The following VCAN variants were observed in gnomAD, a reference collection of about 807,000 sequenced individuals.
The protein encoded by VCAN is versican core protein.
Under a neutral mutation model 245.5 loss-of-function variants are expected in VCAN, and 44 were observed. That is an observed-to-expected ratio of 0.18 (90% confidence interval 0.14 to 0.23). The LOEUF (loss-of-function observed/expected upper bound fraction) is 0.23, where lower values mean the gene tolerates loss of function less well. VCAN is among the 10% of genes least tolerant of loss of function. VCAN has a pLI of 1.00. For synonymous variants in VCAN, 1,413 were observed against 1,437.0 expected, an observed-to-expected ratio of 0.98 and a Z score of 0.38; for missense variants, 3,793 against 4,057.9, an observed-to-expected ratio of 0.93 and a Z score of 1.77.
intron 5 of VCAN, among the ~76,000 whole-genome samples, chr5:83,502,219 C>G (rs968558911): frequency 6.6e-6 from 1 of 152,128 alleles, no homozygotes; most frequent in African/African-American, 2.4e-5. Flanking sequence ...CACTCTCTTT[C>G]ATTTTATAAT....
intron 7 of VCAN, among the ~76,000 whole-genome samples, chr5:83,529,865 G>A (rs541805956): frequency 2.0e-5 from 3 of 152,088 alleles, no homozygotes; most frequent in Non-Finnish European, 2.9e-5. Context: ...TTAATCTCCT[G>A]TGGGCTTTAA....
In VCAN at chr5:83,540,488, G is replaced by A; in HGVS notation, c.7485G>A (p.Gln2495=). 6.2e-7 allele frequency: 1 copy of A among 1,613,940 alleles called. No homozygotes were observed. The highest frequency in any genetic ancestry group is 8.5e-7 in the Non-Finnish European group (1 of 1,179,936). Residue 2495 remains glutamine (Q), a synonymous_variant, in exon 8 of 15, where the codon CAG becomes CAA. Transcript: ENST00000265077. ...VSVMLPLHSE[Q]NKSSPDPTST... is the part of the protein sequence containing the mutation. ...TGATGCTGCCTCTTCATTCAGAGCAGAACAAAAGCTCCCCTGATCCAACTA... is the reference window on the plus strand; with the variant it reads ...TGATGCTGCCTCTTCATTCAGAGCAAAACAAAAGCTCCCCTGATCCAACTA...
intron 12 of VCAN, among the ~76,000 whole-genome samples, chr5:83,558,991 C>T (rs16900584): frequency 0.03 from 4,616 of 152,158 alleles, 73 homozygotes; most frequent in Middle Eastern, 0.068. Context: ...ACTTGGCTTT[C>T]TCCTAACCTA....
Position 83,512,210 on chromosome 5 carries a change from G to T in VCAN, c.856G>T (p.Ala286Ser), listed in dbSNP as rs1337887952. 1.2e-6 allele frequency: 2 copies of T among 1,614,192 alleles called. No individual in the cohort carries two copies. The highest frequency in any genetic ancestry group is 1.7e-5 in the Admixed American group (1 of 60,026). Residue 286 changes from alanine to serine, a missense_variant, in exon 6 of 15, where the codon GCA becomes TCA. Ala to Ser is a moderately conservative substitution (Grantham distance 99). This residue lies in a region of VCAN where 190 missense variants were observed against 288.6 expected (regional missense o/e 0.66). Coordinates refer to ENST00000265077, the MANE Select transcript of VCAN (RefSeq NM_004385.5). ...GGCAACAGTGGGGGAACTCCAGGCGGCATGGAGGAACGGCTTTGACCAGTG... is the reference window on the plus strand; with the variant it reads ...GGCAACAGTGGGGGAACTCCAGGCGTCATGGAGGAACGGCTTTGACCAGTG... ...RLATVGELQA[A>S]WRNGFDQCDY...
At chr5:83,571,683 A>AT (rs966617529) in intron 12 of VCAN, among the ~76,000 whole-genome samples, 3 of 152,118 alleles carry the variant, frequency 2.0e-5, no homozygotes, top group African/African-American at 7.2e-5. Flanking sequence ...TTGAAGGTGT[A>AT]TTTTTTATAT....
chr5:83,521,208 G>T lies in VCAN; in HGVS notation c.2902G>T (p.Asp968Tyr), dbSNP rs922539566. ...SSTQEPTTYV[D>Y]SSHTIPLSVI... ...CACCCAAGAGCCTACTACTTATGTA[G>T]ACTCTTCCCATACCATTCCTCTTTC... The change falls in exon 7 of 15, where the codon GAC (aspartate) becomes TAC (tyrosine). Residue 968 changes from aspartate to tyrosine, a missense_variant. Physicochemically the swap from Asp to Tyr is radical, Grantham distance 160. Transcript: ENST00000265077. 1 of 1,613,686 alleles carries T rather than the reference G, an allele frequency of 6.2e-7. No homozygotes were observed. Among genetic ancestry groups the T allele is most frequent in the Non-Finnish European group, 8.5e-7 (1 of 1,179,646 alleles).
At chr5:83,532,187 G>A (rs1746548189) in intron 7 of VCAN, among the ~76,000 whole-genome samples, 1 of 152,002 alleles carries the variant, frequency 6.6e-6, no homozygotes, top group South Asian at 2.1e-4. Context: ...ACACCGCAAA[G>A]AAACTTTTCT....
rs537795213 is a variant in VCAN at position 83,504,532 on chromosome 5, C to A, written c.749-7571C>A. On this transcript the variant is annotated intron_variant, in intron 5 of 14. Coordinates refer to ENST00000265077, the MANE Select transcript of VCAN (RefSeq NM_004385.5). ...CAGTAGCTGGGATTACAGGCATGCA[C>A]CACCATGCCTGGCTAATTTTTGTAT... 2.0e-5 allele frequency among the ~76,000 whole-genome samples: 3 copies of A among 152,184 alleles called. No homozygotes were observed. The South Asian group carries it at 6.2e-4, about 32-fold the overall frequency.
intron 12 of VCAN, among the ~76,000 whole-genome samples, chr5:83,571,119 T>G (rs1748272160): frequency 6.6e-6 from 1 of 152,056 alleles, no homozygotes; most frequent in African/African-American, 2.4e-5. Context: ...AGCATGAGAG[T>G]AGCCAAAGCA....
intron 13 of VCAN, among the ~76,000 whole-genome samples, chr5:83,572,965 A>T (rs1329644122): frequency 2.0e-5 from 3 of 150,802 alleles, no homozygotes; most frequent in African/African-American, 7.3e-5. Context: ...CAGTGGTGTG[A>T]TCTTGGCTCA....
intron 12 of VCAN, among the ~76,000 whole-genome samples, chr5:83,565,796 C>G (rs552323913): frequency 1.9e-4 from 29 of 152,152 alleles, no homozygotes; most frequent in Middle Eastern, 3.4e-3. Context: ...CAGGGATCAG[C>G]TGGGACTTGA....
chr5:83,522,294 A>G lies in VCAN; in HGVS notation c.3988A>G (p.Arg1330Gly). ...CATTAATGTTTATATTATTGAGGTC[A>G]GAGAAAATAAGACAGGTAAGTCTTT... ...PDINVYIIEV[R>G]ENKTGRMSDL... The change falls in exon 7 of 15, where the codon AGA becomes GGA. Residue 1330 changes from arginine (R) to glycine (G), a missense_variant. By Grantham distance (125) the Arg-to-Gly change is moderately radical. Around this residue, in one of 5 missense-constraint regions of VCAN, gnomAD observed 3,182 missense variants for 3,250.3 expected, o/e 0.98. Coordinates refer to ENST00000265077, the MANE Select transcript of VCAN (RefSeq NM_004385.5). The G allele has an allele frequency of 1.3e-6, 2 of 1,598,898 alleles. No homozygotes were observed. Among genetic ancestry groups the G allele is most frequent in the Non-Finnish European group, 8.5e-7 (1 of 1,179,898 alleles).
At chr5:83,512,636 G>A in intron 6 of VCAN, 1 of 517,838 alleles carries the variant, frequency 1.9e-6, no homozygotes, top group South Asian at 2.5e-5. Flanking sequence ...AGCTGTAACT[G>A]TGCTCTGTTG....
intron 2 of VCAN, among the ~76,000 whole-genome samples, chr5:83,486,360 A>G (rs1445676154): frequency 6.6e-6 from 1 of 152,204 alleles, no homozygotes; most frequent in Admixed American, 6.5e-5. Context: ...TGAATAAATA[A>G]ATAAATGCCA....
At chr5:83,560,092 G>A (rs1182971232) in intron 12 of VCAN, among the ~76,000 whole-genome samples, 2 of 151,798 alleles carry the variant, frequency 1.3e-5, no homozygotes, top group African/African-American at 2.4e-5. Flanking sequence ...AGGAAAACAA[G>A]TGTTTTTACT....
rs771989444 is a variant in VCAN, at chr5:83,490,378, G to A, written c.351G>A (p.Val117=). ...PEAVGDASLT[V]VKLLASDAGL... is the part of the protein sequence containing the mutation. ...CTGTGGGCGATGCCTCCCTCACTGTGGTCAAGCTGCTGGCAAGTGATGCGG... is the reference window on the plus strand; with the variant it reads ...CTGTGGGCGATGCCTCCCTCACTGTAGTCAAGCTGCTGGCAAGTGATGCGG... Residue 117 remains valine (V), a synonymous_variant, in exon 3 of 15, where the codon GTG becomes GTA. Transcript: ENST00000265077. The A allele has an allele frequency of 6.2e-7, 1 of 1,614,208 alleles. No individual in the cohort carries two copies. The highest frequency in any genetic ancestry group is 1.7e-5 in the Admixed American group (1 of 60,024).
intron 5 of VCAN, among the ~76,000 whole-genome samples, chr5:83,511,496 T>C (rs1008225403): frequency 5.3e-5 from 8 of 152,054 alleles, no homozygotes; most frequent in African/African-American, 1.9e-4. Context: ...CTGTGCCTGA[T>C]ACGGGAAGGC....
At chr5:83,473,592 C>G (rs1243951765) in intron 1 of VCAN, among the ~76,000 whole-genome samples, 1 of 152,158 alleles carries the variant, frequency 6.6e-6, no homozygotes, top group African/African-American at 2.4e-5. Context: ...CTGCCTTTCC[C>G]GTGCTCCAAG....
intron 1 of VCAN, among the ~76,000 whole-genome samples, chr5:83,482,374 A>G (rs1744642418): frequency 6.8e-6 from 1 of 147,952 alleles, no homozygotes; most frequent in Non-Finnish European, 1.5e-5. Context: ...ACTATATTAT[A>G]TACTGTTCCA....
Sources: gnomAD v4.1 joint callset for allele counts (sites outside exome capture counted in the v4.1 genomes callset) on GRCh38, gnomAD v4.1.1 for gene constraint, gnomAD v4.1.1 regional missense constraint, MANE v1.5 for transcripts, NCBI Gene and HGNC (gene_info 2026-07-23, HGNC 2026-07-21) for gene names.